The following MAN1A2 variants were observed in gnomAD, a reference collection of about 807,000 sequenced individuals.
The protein encoded by MAN1A2 is mannosyl-oligosaccharide 1,2-alpha-mannosidase IB.
In MAN1A2, 26 loss-of-function variants were observed where a neutral mutation model predicts 75.7. That is an observed-to-expected ratio of 0.34 (90% CI 0.25 to 0.48). The LOEUF is 0.48. MAN1A2 is among the 20% of genes least tolerant of loss of function. MAN1A2 has a pLI of 0.99. For synonymous variants in MAN1A2, 247 were observed against 264.6 expected (o/e 0.93, Z 0.65); for missense variants, 562 against 775.5 (o/e 0.72, Z 3.27).
intron 1 of MAN1A2, among the ~76,000 whole-genome samples, chr1:117,397,208 C>T (rs1224597482): frequency 1.3e-5 from 2 of 151,988 alleles, no homozygotes; most frequent in Non-Finnish European, 2.9e-5. Flanking sequence ...GCAAATAGTG[C>T]TTGTTGAGGA....
intron 1 of MAN1A2, among the ~76,000 whole-genome samples, chr1:117,369,098 A>G (rs181207687): frequency 1.3e-5 from 2 of 152,332 alleles, no homozygotes; most frequent in East Asian, 1.9e-4. Context: ...GTTAAAAGGT[A>G]TTGAATCCTA....
chr1:117,489,876 C>T (rs926126855), intron 8 of MAN1A2, among the ~76,000 whole-genome samples: 4 of 151,532 alleles, frequency 2.6e-5, no homozygotes, highest in Admixed American at 6.6e-5. Context: ...CTGTCTTTTC[C>T]TCACCAATTT....
rs80137754 is a variant in MAN1A2 at position 117,400,952 on chromosome 1, C to T, written c.303-1234C>T. 5.5e-3 allele frequency among the ~76,000 whole-genome samples: 843 copies of T among 152,190 alleles called. 17 individuals are homozygous for T. The highest frequency in any genetic ancestry group is 0.018 in the African/African-American group (750 of 41,516). ...TTGTTGTACAACCATCACCATCATCCATTTCCAGAACTCTTTTCATCTTGC... is the reference window on the plus strand; with the variant it reads ...TTGTTGTACAACCATCACCATCATCTATTTCCAGAACTCTTTTCATCTTGC... On this transcript the variant is annotated intron_variant, in intron 1 of 12. Transcript: ENST00000356554.
At chr1:117,453,824 G>A (rs145498660) in intron 6 of MAN1A2, among the ~76,000 whole-genome samples, 53 of 152,258 alleles carry the variant, frequency 3.5e-4, no homozygotes, top group African/African-American at 1.2e-3. Flanking sequence ...GAGATCTTTC[G>A]TCTTGCAGAG....
At chr1:117,512,154 T>G (rs1230283599) in intron 12 of MAN1A2, among the ~76,000 whole-genome samples, 8 of 151,850 alleles carry the variant, frequency 5.3e-5, no homozygotes, top group Admixed American at 5.3e-4. Context: ...TGATAATGAG[T>G]CAAAGAATTG....
intron 11 of MAN1A2, among the ~76,000 whole-genome samples, chr1:117,501,916 C>T (rs1651213604): frequency 6.6e-6 from 1 of 151,726 alleles, no homozygotes; most frequent in African/African-American, 2.4e-5. Context: ...ACAAAACTAC[C>T]ACATGTGCTT....
At chr1:117,492,805 T>C (rs1351912061) in intron 8 of MAN1A2, among the ~76,000 whole-genome samples, 2 of 152,090 alleles carry the variant, frequency 1.3e-5, no homozygotes, top group South Asian at 2.1e-4. Context: ...ACATAACTTA[T>C]TTATTTAAAG....
chr1:117,465,678 G>C (rs1193946087), intron 7 of MAN1A2, among the ~76,000 whole-genome samples: 1 of 151,974 alleles, frequency 6.6e-6, no homozygotes, highest in African/African-American at 2.4e-5. Context: ...ACCTCCAGGG[G>C]CCCCCTTAAA....
At chr1:117,479,124 T>C (rs922868093) in intron 8 of MAN1A2, among the ~76,000 whole-genome samples, 15 of 151,812 alleles carry the variant, frequency 9.9e-5, no homozygotes, top group African/African-American at 3.4e-4. Context: ...CCCCCATGTA[T>C]CCATGTGTTC....
In MAN1A2 at chr1:117,525,262, T is replaced by G. The variant is rs555006899; in HGVS notation, c.*2305T>G. On this transcript the variant is annotated 3_prime_UTR_variant, in exon 13 of 13. Transcript: ENST00000356554. Reference sequence around the variant, plus strand: ...GGGTCTTCTTCACCACTCCTTACCTTCTATGTGATGGAAAGACTAGAGCTT... The same window carrying G: ...GGGTCTTCTTCACCACTCCTTACCTGCTATGTGATGGAAAGACTAGAGCTT... 2 of 380,516 alleles carry G rather than the reference T, an allele frequency of 5.3e-6. No homozygotes were observed. The highest frequency in any genetic ancestry group is 3.0e-5 in the Admixed American group (1 of 32,972). The allele number at this position is 380,516 out of a possible 1,614,324, so 23.6% of individuals were successfully genotyped here.
chr1:117,475,481 G>A (rs189886829), intron 8 of MAN1A2, among the ~76,000 whole-genome samples: 87 of 151,776 alleles, frequency 5.7e-4, no homozygotes, highest in African/African-American at 2.0e-3. Flanking sequence ...CGTCATCTAC[G>A]TTAGGTATTT....
At chr1:117,438,719 C>T (rs986915735) in intron 5 of MAN1A2, among the ~76,000 whole-genome samples, 1 of 152,100 alleles carries the variant, frequency 6.6e-6, no homozygotes, top group Non-Finnish European at 1.5e-5. Context: ...AAATTACCTA[C>T]AACGTTCGAT....
intron 5 of MAN1A2, among the ~76,000 whole-genome samples, chr1:117,433,611 A>G (rs573988427): frequency 6.5e-4 from 99 of 152,180 alleles, no homozygotes; most frequent in African/African-American, 2.3e-3. Flanking sequence ...ATTCCTTTTG[A>G]TTTCTGAGAT....
chr1:117,429,057 G>A (rs1364708610), intron 5 of MAN1A2, among the ~76,000 whole-genome samples: 2 of 147,008 alleles, frequency 1.4e-5, no homozygotes, highest in Admixed American at 6.7e-5. Context: ...ATCTTGCACC[G>A]CCCTTAATCC....
chr1:117,483,362 T>C (rs1650562033), intron 8 of MAN1A2, among the ~76,000 whole-genome samples: 1 of 152,166 alleles, frequency 6.6e-6, no homozygotes. Flanking sequence ...TGGTTCTTCC[T>C]ATCAATGAGC....
At chr1:117,461,233 C>G (rs1017633253) in intron 7 of MAN1A2, among the ~76,000 whole-genome samples, 2 of 152,076 alleles carry the variant, frequency 1.3e-5, no homozygotes, top group African/African-American at 4.8e-5. Context: ...AGAATGAAAT[C>G]CTTTCATTTG....
chr1:117,417,135 A>G (rs577948985), intron 4 of MAN1A2, among the ~76,000 whole-genome samples: 101 of 152,306 alleles, frequency 6.6e-4, no homozygotes, highest in Middle Eastern at 3.4e-3. Flanking sequence ...TCCAACTCCC[A>G]TATACCAAAG....
At chr1:117,464,973 C>T (rs1241592457) in intron 7 of MAN1A2, among the ~76,000 whole-genome samples, 5 of 151,970 alleles carry the variant, frequency 3.3e-5, no homozygotes, top group South Asian at 2.1e-4. Context: ...GCACAAAATA[C>T]GTAAAAGAGC....
rs750995218 is a variant in MAN1A2 at position 117,442,242 on chromosome 1, T to C, written c.867T>C (p.Ile289=). The change falls in exon 6 of 13, where the codon ATT becomes ATC. Residue 289 remains isoleucine, a synonymous_variant. Coordinates refer to ENST00000356554, the MANE Select transcript of MAN1A2 (RefSeq NM_006699.5). ...YYLSGEEIFK[I]KAVQLAEKLL... ...GTTTTAAATCTCAGATATTCAAGAT[T>C]AAAGCAGTGCAATTGGCTGAGAAAC... The C allele has an allele frequency of 1.2e-5, 19 of 1,598,162 alleles. No homozygotes were observed. Among genetic ancestry groups the C allele is most frequent in the Non-Finnish European group, 1.5e-5 (18 of 1,165,694 alleles).
Sources: gnomAD v4.1 joint callset for allele counts (sites outside exome capture counted in the v4.1 genomes callset) on GRCh38, gnomAD v4.1.1 for gene constraint, MANE v1.5 for transcripts, NCBI Gene and HGNC (gene_info 2026-07-23, HGNC 2026-07-21) for gene names.